The following CDH13 variants were observed in gnomAD, a reference collection of about 807,000 sequenced individuals.
The protein encoded by CDH13 is cadherin 13, also known as cadherin-13.
In CDH13, 24 loss-of-function variants were observed where a neutral mutation model predicts 63.8. The observed-to-expected ratio is 0.38, with a 90% confidence interval of 0.27 to 0.53. CDH13 has a LOEUF of 0.53. CDH13 is among the 20% of genes least tolerant of loss of function. The pLI, the probability that CDH13 is intolerant of heterozygous loss-of-function variation, is 0.85. For synonymous variants in CDH13, 503 were observed against 355.3 expected (o/e 1.42, Z -4.67); for missense variants, 1,049 against 903.1 (o/e 1.16, Z -2.07).
intron 1 of CDH13, chr16:82,646,095 C>G (rs1910058765): frequency 1.3e-5 from 2 of 152,376 alleles, no homozygotes; most frequent in African/African-American, 2.4e-5. Flanking sequence ...TCCTAAACAA[C>G]TTCAGGTTGT....
intron 3 of CDH13, among the ~76,000 whole-genome samples, chr16:83,081,636 T>A (rs2033257537): frequency 6.6e-6 from 1 of 152,096 alleles, no homozygotes; most frequent in Non-Finnish European, 1.5e-5. Context: ...TGGGGAGACC[T>A]GTCCTCTTGG....
chr16:83,474,120 T>C (rs947111344), intron 6 of CDH13, among the ~76,000 whole-genome samples: 1 of 152,258 alleles, frequency 6.6e-6, no homozygotes, highest in Admixed American at 6.5e-5. Context: ...TCTTTTAAAA[T>C]AGAGATGATC....
chr16:83,421,185 C>A (rs923422), intron 6 of CDH13, among the ~76,000 whole-genome samples: 2 of 151,920 alleles, frequency 1.3e-5, no homozygotes, highest in African/African-American at 4.8e-5. Flanking sequence ...GTCTAGAACC[C>A]TTCCAGAGAA....
At chr16:83,102,963 T>C (rs74900531) in intron 3 of CDH13, among the ~76,000 whole-genome samples, 1 of 123,076 alleles carries the variant, frequency 8.1e-6, no homozygotes, top group Non-Finnish European at 1.7e-5. Context: ...TTTTTTTTTT[T>C]TTTTTTTGAG....
At chr16:83,619,527 G>C (rs1909611410) in intron 8 of CDH13, among the ~76,000 whole-genome samples, 1 of 152,238 alleles carries the variant, frequency 6.6e-6, no homozygotes. Flanking sequence ...GGCAGGGTTG[G>C]TTCCTTTGGA....
chr16:83,341,989 CCA>C (rs756844839), intron 5 of CDH13, among the ~76,000 whole-genome samples: 13,045 of 137,896 alleles, frequency 0.095, 589 homozygotes, highest in African/African-American at 0.11. Flanking sequence ...GTGTCCCCTG[CCA>C]CACACACACA....
intron 4 of CDH13, among the ~76,000 whole-genome samples, chr16:83,203,108 T>C (rs1220190250): frequency 6.6e-6 from 1 of 152,078 alleles, no homozygotes; most frequent in East Asian, 1.9e-4. Context: ...CCTGTAATCT[T>C]AGCTACTTGG....
At chr16:83,194,878 C>T (rs1410254493) in intron 4 of CDH13, among the ~76,000 whole-genome samples, 1 of 152,108 alleles carries the variant, frequency 6.6e-6, no homozygotes, top group Non-Finnish European at 1.5e-5. Flanking sequence ...ATGCTTCATT[C>T]CTACAATCTC....
chr16:83,301,025 G>GTTTTTTTTTTTTTTTTTT (rs3052591), intron 5 of CDH13, among the ~76,000 whole-genome samples: 2 of 78,756 alleles, frequency 2.5e-5, no homozygotes, highest in African/African-American at 5.4e-5. Flanking sequence ...ACTTTCTGGG[G>GTTTTTTTTTTTTTTTTTT]TTTTTTTTTT....
chr16:83,508,123 G>A (rs12923197), intron 7 of CDH13, among the ~76,000 whole-genome samples: 105 of 43,958 alleles, frequency 2.4e-3, no homozygotes, highest in South Asian at 3.7e-3. Context: ...GGAAGGAAGG[G>A]AGGAAGGAAA....
At chr16:83,151,011 A>C (rs1272602934) in intron 4 of CDH13, among the ~76,000 whole-genome samples, 3 of 152,130 alleles carry the variant, frequency 2.0e-5, no homozygotes, top group African/African-American at 4.8e-5. Flanking sequence ...TCTTTATGTG[A>C]AACATGGTGA....
chr16:82,661,887 T>G (rs1282260065), intron 1 of CDH13, among the ~76,000 whole-genome samples: 1 of 152,258 alleles, frequency 6.6e-6, no homozygotes, highest in African/African-American at 2.4e-5. Flanking sequence ...AAATCTGCAC[T>G]GTCTAATATA....
intron 8 of CDH13, among the ~76,000 whole-genome samples, chr16:83,608,002 T>G (rs1281121223): frequency 1.3e-5 from 2 of 152,210 alleles, no homozygotes; most frequent in Non-Finnish European, 2.9e-5. Context: ...CACATAAATC[T>G]CAGGTCATGG....
intron 4 of CDH13, among the ~76,000 whole-genome samples, chr16:83,196,048 A>C (rs528438627): frequency 6.6e-6 from 1 of 152,240 alleles, no homozygotes; most frequent in East Asian, 1.9e-4. Context: ...CTGAGGTCAC[A>C]AGTTCGCAAT....
intron 6 of CDH13, among the ~76,000 whole-genome samples, chr16:83,379,652 A>G (rs921898179): frequency 6.6e-5 from 10 of 152,100 alleles, no homozygotes; most frequent in African/African-American, 2.4e-4. Context: ...TATCAGTTAC[A>G]CAACAACAGA....
intron 1 of CDH13, among the ~76,000 whole-genome samples, chr16:82,821,604 GAAGA>G (rs932561685): frequency 1.3e-5 from 2 of 152,332 alleles, no homozygotes; most frequent in East Asian, 1.9e-4. Context: ...GACTACAAGG[GAAGA>G]AAGACTTTAT....
At chr16:83,687,325 C>T (rs953639840) in intron 10 of CDH13, among the ~76,000 whole-genome samples, 8 of 152,184 alleles carry the variant, frequency 5.3e-5, no homozygotes, top group African/African-American at 1.9e-4. Context: ...CATGGCTCTG[C>T]AGGCTATATA....
chr16:83,313,607 G>C (rs960383909), intron 5 of CDH13, among the ~76,000 whole-genome samples: 4 of 141,816 alleles, frequency 2.8e-5, no homozygotes, highest in Non-Finnish European at 6.0e-5. Flanking sequence ...GACATGGGCA[G>C]TGCCAATAAA....
chr16:83,763,905 G>A (rs1171349019), intron 11 of CDH13, among the ~76,000 whole-genome samples: 1 of 152,066 alleles, frequency 6.6e-6, no homozygotes, highest in Non-Finnish European at 1.5e-5. Context: ...TGAGATAATG[G>A]AGCCTAGTGC....
Sources: gnomAD v4.1 joint callset for allele counts (sites outside exome capture counted in the v4.1 genomes callset) on GRCh38, gnomAD v4.1.1 for gene constraint, MANE v1.5 for transcripts, NCBI Gene and HGNC (gene_info 2026-07-23, HGNC 2026-07-21) for gene names.